TDRD9: variants seen among roughly 807,000 people sequenced by gnomAD.
The protein encoded by TDRD9 is tudor domain containing 9.
A neutral mutation model predicts 172.6 loss-of-function variants in TDRD9; 124 were observed. The ratio of observed to expected loss-of-function variants is 0.72; its 90% confidence interval spans 0.62 to 0.83. The LOEUF is 0.83. Ranked by LOEUF, TDRD9 falls within the 40% of genes least tolerant of loss-of-function variation. The probability of loss-of-function intolerance (pLI) is 0.00; values close to 1 mark genes in which losing one functional copy is unlikely to be tolerated. For synonymous variants in TDRD9, 619 were observed against 617.1 expected, an observed-to-expected ratio of 1.00 and a Z score of -0.05; for missense variants, 1,479 against 1,714.1, an observed-to-expected ratio of 0.86 and a Z score of 2.42.
intron 22 of TDRD9, among the ~76,000 whole-genome samples, 164 bp downstream of exon 22, chr14:104,016,252 A>G (rs959856942): frequency 6.6e-6 from 1 of 152,070 alleles, no homozygotes; most frequent in Non-Finnish European, 1.5e-5. Context: ...TGGCCTTTTC[A>G]TGTGTATCTA....
Position 103,986,304 on chromosome 14 carries a change from G to T in TDRD9, c.1099G>T (p.Asp367Tyr), listed in dbSNP as rs1315438030. ...VSLIQMFDDL[D>Y]MKESGNKAWS... is the part of the protein sequence containing the mutation. ...TCTCATTCAGATGTTTGATGACTTG[G>T]ATATGAAGGAGAGTGGGTAAGAGAT... is the stretch of plus-strand genomic sequence containing the variant. The change falls in exon 8 of 36, where the codon GAT (aspartate) becomes TAT (tyrosine). Residue 367 changes from aspartate to tyrosine, a missense_variant. Asp to Tyr is a radical substitution (Grantham distance 160). Around this residue, in one of 3 missense-constraint regions of TDRD9, gnomAD observed 1,413 missense variants for 1,649.1 expected, o/e 0.86. Coordinates refer to ENST00000409874, the MANE Select transcript of TDRD9 (RefSeq NM_153046.3). 2.5e-6 allele frequency: 4 copies of T among 1,611,448 alleles called. No individual in the cohort carries two copies. The highest frequency in any genetic ancestry group is 3.4e-6 in the Non-Finnish European group (4 of 1,178,102).
intron 20 of TDRD9, among the ~76,000 whole-genome samples, chr14:104,014,437 G>A (rs2034719635): frequency 6.6e-6 from 1 of 151,620 alleles, no homozygotes; most frequent in Non-Finnish European, 1.5e-5. Flanking sequence ...GCGCCACCAC[G>A]CCCAGCTAAC....
intron 6 of TDRD9, among the ~76,000 whole-genome samples, chr14:103,974,961 G>T (rs2033177443): frequency 6.6e-6 from 1 of 151,976 alleles, no homozygotes; most frequent in Non-Finnish European, 1.5e-5. Context: ...TGTAGAGACA[G>T]TGGTCTCATG....
Position 103,952,246 on chromosome 14 carries a change from T to A in TDRD9, c.216-3418T>A, listed in dbSNP as rs1221172473. ...TTTTTTTTTTTTTTTTTTTTTTTTT[T>A]TTTTTTTTTTTTGAGGCAGAGTCTC... On this transcript the variant is annotated intron_variant, in intron 1 of 35. Transcript: ENST00000409874. Among the ~76,000 whole-genome samples the A allele has an allele frequency of 3.5e-4, 20 of 57,292 alleles. 1 individual carries two copies. The highest frequency in any genetic ancestry group is 1.8e-3 in the South Asian group (3 of 1,644). 37.6% of individuals were successfully genotyped at this position (57,292 alleles called of 152,430 possible). A position where few individuals can be genotyped will look rare whatever the true frequency, so the allele number is the denominator to read the frequency against.
chr14:103,977,606 C>T (rs1219328295), intron 7 of TDRD9, among the ~76,000 whole-genome samples: 1 of 150,344 alleles, frequency 6.7e-6, no homozygotes, highest in Admixed American at 6.6e-5. Context: ...AATGTTTCCC[C>T]CCATTCACTC....
At chr14:103,951,140 CA>C (rs986931137) in intron 1 of TDRD9, among the ~76,000 whole-genome samples, 9 of 152,046 alleles carry the variant, frequency 5.9e-5, no homozygotes, top group African/African-American at 2.2e-4. Flanking sequence ...AAAAAACCAA[CA>C]AAAAAAATCC....
intron 2 of TDRD9, among the ~76,000 whole-genome samples, chr14:103,962,035 G>T (rs889588045): frequency 1.3e-5 from 2 of 152,194 alleles, no homozygotes; most frequent in African/African-American, 2.4e-5. Context: ...TTTGTCTTCC[G>T]TGAGTTTTGA....
At chr14:104,028,011 G>C (rs2035175403) in intron 28 of TDRD9, among the ~76,000 whole-genome samples, 1 of 152,074 alleles carries the variant, frequency 6.6e-6, no homozygotes, top group Admixed American at 6.6e-5. Context: ...CATCCACGTT[G>C]CCAAGAATGA....
chr14:103,928,798 A>G, intron 1 of TDRD9, 74 bp downstream of exon 1: 4 of 463,750 alleles, frequency 8.6e-6, no homozygotes, highest in African/African-American at 2.1e-5. Flanking sequence ...CGGGCCATCC[A>G]GATCCTTCTC....
chr14:103,990,012 A>G (rs1304373242), intron 8 of TDRD9, among the ~76,000 whole-genome samples: 1 of 152,182 alleles, frequency 6.6e-6, no homozygotes, highest in South Asian at 2.1e-4. Flanking sequence ...GCCTCTGCCT[A>G]TTGATTGGGG....
chr14:104,013,248 T>C (rs1273141049), intron 20 of TDRD9, among the ~76,000 whole-genome samples: 1 of 152,260 alleles, frequency 6.6e-6, no homozygotes, highest in Non-Finnish European at 1.5e-5. Context: ...CATAGGTATT[T>C]GGAGTTGTGT....
At chr14:103,956,342 G>A (rs1262937954) in intron 2 of TDRD9, among the ~76,000 whole-genome samples, 1 of 151,678 alleles carries the variant, frequency 6.6e-6, no homozygotes, top group Non-Finnish European at 1.5e-5. Context: ...GGAGGCTGAG[G>A]CAGGAGAATC....
intron 1 of TDRD9, among the ~76,000 whole-genome samples, chr14:103,931,153 GC>G (rs2030364424): frequency 6.6e-6 from 1 of 151,674 alleles, no homozygotes; most frequent in Admixed American, 6.6e-5. Context: ...ACAAAAATTT[GC>G]CCAGCATGGT....
intron 1 of TDRD9, chr14:103,941,483 G>A: frequency 6.5e-7 from 1 of 1,535,316 alleles, no homozygotes; most frequent in Admixed American, 2.0e-5. Flanking sequence ...GGATAGTTGT[G>A]TGGGGATTCT....
At chr14:104,014,220 C>T (rs570981021) in intron 20 of TDRD9, among the ~76,000 whole-genome samples, 66 of 101,638 alleles carry the variant, frequency 6.5e-4, no homozygotes, top group African/African-American at 2.4e-3. Flanking sequence ...GACAACAGAG[C>T]GAGACTGTCT....
chr14:104,025,578 A>T lies in TDRD9; in HGVS notation c.2733A>T (p.Gly911=). 1 of 1,613,848 alleles carries T rather than the reference A, an allele frequency of 6.2e-7. No homozygotes were observed. The highest frequency in any genetic ancestry group is 8.5e-7 in the Non-Finnish European group (1 of 1,179,822). ...TTCCTTTTTAGGTGGTTGAAGTGGG[A>T]CACTTTTGGGGATACAGGATTGATG... ...TIDVTEVVEV[G]HFWGYRIDEN... The change falls in exon 26 of 36, where the codon GGA becomes GGT. Residue 911 remains glycine (G), a synonymous_variant. Coordinates refer to ENST00000409874, the MANE Select transcript of TDRD9 (RefSeq NM_153046.3).
At chr14:103,933,196 G>A (rs2030518951) in intron 1 of TDRD9, among the ~76,000 whole-genome samples, 1 of 152,078 alleles carries the variant, frequency 6.6e-6, no homozygotes, top group Non-Finnish European at 1.5e-5. Context: ...CTTCACCTTG[G>A]CATATGAAGA....
At chr14:104,035,480 C>A (rs1566799320) in intron 32 of TDRD9, among the ~76,000 whole-genome samples, 1 of 152,210 alleles carries the variant, frequency 6.6e-6, no homozygotes, top group Non-Finnish European at 1.5e-5. Context: ...GATTGCCCAG[C>A]AGATTGTAGC....
intron 1 of TDRD9, among the ~76,000 whole-genome samples, chr14:103,932,173 C>T (rs543901943): frequency 6.6e-6 from 1 of 152,306 alleles, no homozygotes; most frequent in African/African-American, 2.4e-5. Flanking sequence ...TTTGAAACTG[C>T]TATGTTTTTG....
Sources: gnomAD v4.1 joint callset for allele counts (sites outside exome capture counted in the v4.1 genomes callset) on GRCh38, gnomAD v4.1.1 for gene constraint, gnomAD v4.1.1 regional missense constraint, MANE v1.5 for transcripts, NCBI Gene and HGNC (gene_info 2026-07-23, HGNC 2026-07-21) for gene names.